SVOP: variants seen among roughly 807,000 people sequenced by gnomAD.
SVOP encodes SV2 related protein, also known as synaptic vesicle 2-related protein.
Under a neutral mutation model 69.1 loss-of-function variants are expected in SVOP, and 17 were observed. The observed-to-expected ratio is 0.25, with a 90% CI of 0.17 to 0.37. SVOP has a LOEUF of 0.37. Ranked by LOEUF, SVOP falls within the 10% of genes least tolerant of loss-of-function variation. The pLI is 1.00. For missense variants in SVOP, 435 were observed against 597.5 expected, an observed-to-expected ratio of 0.73 and a Z score of 2.84; for synonymous variants, 238 against 238.6, an observed-to-expected ratio of 1.00 and a Z score of 0.02.
At chr12:108,957,446 G>A (rs1206519230) in intron 6 of SVOP, among the ~76,000 whole-genome samples, 1 of 152,116 alleles carries the variant, frequency 6.6e-6, no homozygotes, top group Non-Finnish European at 1.5e-5. Context: ...TTACAGACGT[G>A]AGCCACCGTG....
At position 108,927,907 on chromosome 12, in the gene SVOP, C is replaced by CTT. The variant is rs112012603; in HGVS notation, c.1049-5112_1049-5111dup. 7.8e-4 allele frequency among the ~76,000 whole-genome samples: 106 copies of CTT among 135,568 alleles called. 2 individuals are homozygous for CTT. In the East Asian group the frequency reaches 0.01, roughly 13 times the overall value. 88.9% of individuals were successfully genotyped at this position (135,568 alleles called of 152,430 possible). A position where few individuals can be genotyped will look rare whatever the true frequency, so the allele number is the denominator to read the frequency against. ...CACCATGCTCAGCTGACAAAAAACT[C>CTT]TTTTTTTTTTTTTTTTGAGAGAGAG... is the stretch of plus-strand genomic sequence containing the variant. On this transcript the variant is annotated intron_variant, in intron 11 of 15. Coordinates refer to ENST00000610966, the MANE Select transcript of SVOP (RefSeq NM_018711.5).
intron 1 of SVOP, among the ~76,000 whole-genome samples, chr12:109,009,464 A>C (rs1046905913): frequency 1.8e-4 from 27 of 152,124 alleles, no homozygotes; most frequent in African/African-American, 6.5e-4. Flanking sequence ...TGAGGCTTAA[A>C]GAGAGATCTG....
chr12:108,915,253 G>A (rs1335875853), intron 15 of SVOP, among the ~76,000 whole-genome samples: 1 of 151,758 alleles, frequency 6.6e-6, no homozygotes, highest in East Asian at 1.9e-4. Context: ...ATTGCATGAT[G>A]CTGAAGTTTG....
At chr12:108,940,336 G>A (rs1256037538) in intron 8 of SVOP, among the ~76,000 whole-genome samples, 1 of 152,080 alleles carries the variant, frequency 6.6e-6, no homozygotes, top group African/African-American at 2.4e-5. Context: ...CTCAGTAGAG[G>A]GTGTGGTTTA....
rs529609768 is a variant in SVOP, at chr12:108,914,551, C to T, written c.1440+1232G>A. 7.8e-4 allele frequency among the ~76,000 whole-genome samples: 118 copies of T among 152,152 alleles called. 1 individual carries two copies. Among genetic ancestry groups the T allele is most frequent in the South Asian group, 6.6e-3 (32 of 4,814 alleles). Reference sequence around the variant, plus strand: ...TTATTTGTTTTCCACTAAATTTTGTCGGCATACTTGTTTTCTTTCCTTTTT... The same window carrying T: ...TTATTTGTTTTCCACTAAATTTTGTTGGCATACTTGTTTTCTTTCCTTTTT... On this transcript the variant is annotated intron_variant, in intron 15 of 15. Transcript: ENST00000610966.
chr12:108,982,743 C>CTAT (rs2040145217), intron 2 of SVOP, among the ~76,000 whole-genome samples: 5 of 145,782 alleles, frequency 3.4e-5, no homozygotes, highest in African/African-American at 1.3e-4. Flanking sequence ...ATCATCATCA[C>CTAT]CATCATCATC....
chr12:108,988,451 A>G (rs138866996), intron 1 of SVOP, among the ~76,000 whole-genome samples: 143,935 of 152,224 alleles, frequency 0.95, 68,599 homozygotes, highest in East Asian at 1. Flanking sequence ...CGGACATCCA[A>G]TGTTCCTAAT....
intron 14 of SVOP, 53 bp from the exon 15 acceptor site, chr12:108,915,925 A>C: frequency 6.8e-7 from 1 of 1,477,570 alleles, no homozygotes; most frequent in Non-Finnish European, 9.0e-7. Flanking sequence ...TCCTCCCACC[A>C]CTCCAGCTCC....
chr12:108,923,502 G>A (rs1279818852), intron 11 of SVOP, among the ~76,000 whole-genome samples: 1 of 152,068 alleles, frequency 6.6e-6, no homozygotes, highest in African/African-American at 2.4e-5. Context: ...CCACAGTTGA[G>A]CTTCCAGATG....
chr12:108,993,694 C>T (rs1168129208), intron 1 of SVOP, among the ~76,000 whole-genome samples: 1 of 152,148 alleles, frequency 6.6e-6, no homozygotes, highest in Non-Finnish European at 1.5e-5. Flanking sequence ...GGTGACATTT[C>T]ACGTATGGAA....
chr12:109,018,301 G>C (rs1157658431), intron 1 of SVOP, among the ~76,000 whole-genome samples: 1 of 152,162 alleles, frequency 6.6e-6, no homozygotes, highest in Non-Finnish European at 1.5e-5. Context: ...GACAGCATGT[G>C]AAAAACAATG....
chr12:108,956,513 A>G (rs151209731), intron 6 of SVOP, among the ~76,000 whole-genome samples: 2,456 of 152,222 alleles, frequency 0.016, 31 homozygotes, highest in Middle Eastern at 0.082. Context: ...ACAGAGACCA[A>G]CATGGAGCCC....
Position 108,938,856 on chromosome 12 carries a change from G to GC in SVOP, c.867dup (p.Pro290AlafsTer25). The GC allele has an allele frequency of 6.2e-7, 1 of 1,614,000 alleles. No homozygotes were observed. Among genetic ancestry groups the GC allele is most frequent in the Non-Finnish European group, 8.5e-7 (1 of 1,179,882 alleles). ...CTGGAGATGATGAGTTTCCCCAGCG[G>GC]CATGGGAGCTCCGTTTTCAGTTGCT... On this transcript the variant is annotated frameshift_variant, in exon 9 of 16. Coordinates refer to ENST00000610966, the MANE Select transcript of SVOP (RefSeq NM_018711.5). LOFTEE classifies it high-confidence loss of function.
intron 2 of SVOP, among the ~76,000 whole-genome samples, chr12:108,980,936 A>G (rs1484602285): frequency 6.6e-6 from 1 of 152,116 alleles, no homozygotes; most frequent in Admixed American, 6.6e-5. Context: ...AAAAAATAAA[A>G]ATACTAAAGG....
intron 1 of SVOP, among the ~76,000 whole-genome samples, chr12:108,991,139 T>A (rs2040198150): frequency 6.6e-6 from 1 of 152,112 alleles, no homozygotes; most frequent in African/African-American, 2.4e-5. Context: ...CAGGCAAACA[T>A]CCTGCCGTCT....
At chr12:108,923,475 T>G (rs2039762328) in intron 11 of SVOP, among the ~76,000 whole-genome samples, 1 of 151,904 alleles carries the variant, frequency 6.6e-6, no homozygotes, top group African/African-American at 2.4e-5. Flanking sequence ...CCAACATAGG[T>G]GGGGTGGTGG....
chr12:109,015,767 T>C (rs1429693607), intron 1 of SVOP, among the ~76,000 whole-genome samples: 1 of 152,150 alleles, frequency 6.6e-6, no homozygotes, highest in Non-Finnish European at 1.5e-5. Flanking sequence ...CACTCCAGCC[T>C]GGGCAACAGA....
At position 108,912,545 on chromosome 12, in the gene SVOP, G is replaced by A. The variant is rs1285091198; in HGVS notation, c.1637C>T (p.Ser546Phe). 2 of 1,613,788 alleles carry A rather than the reference G, an allele frequency of 1.2e-6. No homozygotes were observed. ...GTCCCCCATCGGTCACTATTCCTGA[G>A]AGCCAGAGTTCGACCTGGTAACACC... ...GAGVTRSNSG[S>F]QE The change falls in exon 16 of 16, where the codon TCT becomes TTT. Residue 546 changes from serine to phenylalanine, a missense_variant. Physicochemically the swap from Ser to Phe is radical, Grantham distance 155 (BLOSUM62 -2). Transcript: ENST00000610966.
chr12:108,971,636 T>A (rs2040079786), intron 5 of SVOP, among the ~76,000 whole-genome samples: 3 of 152,124 alleles, frequency 2.0e-5, no homozygotes, highest in Admixed American at 2.0e-4. Context: ...AAAGATAGTT[T>A]ATTTGAGCAG....
Sources: allele counts gnomAD v4.1 joint callset (sites outside exome capture counted in the v4.1 genomes callset), GRCh38; gene constraint gnomAD v4.1.1; transcripts MANE v1.5; gene names NCBI Gene and HGNC (gene_info 2026-07-23, HGNC 2026-07-21).